STK24: variants seen among roughly 807,000 people sequenced by gnomAD.
STK24 encodes serine/threonine kinase 24, also known as serine/threonine-protein kinase 24.
A neutral mutation model predicts 55.6 loss-of-function variants in STK24; 21 were observed. The observed-to-expected ratio is 0.38, with a 90% CI of 0.27 to 0.54. The LOEUF (loss-of-function observed/expected upper bound fraction) is 0.54. Ranked by LOEUF, STK24 falls within the 20% of genes least tolerant of loss-of-function variation. The probability of loss-of-function intolerance (pLI) is 0.79; values close to 1 mark genes in which losing one functional copy is unlikely to be tolerated. For synonymous variants in STK24, 200 were observed against 215.2 expected (o/e 0.93, Z 0.62); for missense variants, 383 against 538.4 (o/e 0.71, Z 2.86).
intron 1 of STK24, among the ~76,000 whole-genome samples, chr13:98,527,781 G>C (rs75259740): frequency 0.024 from 3,673 of 152,314 alleles, 165 homozygotes; most frequent in African/African-American, 0.083. Context: ...CAGACGCAGA[G>C]CCAGCGGCCA....
Position 98,451,682 on chromosome 13 carries a change from C to G in STK24, c.*1491G>C, listed in dbSNP as rs1004286915. On this transcript the variant is annotated 3_prime_UTR_variant, in exon 11 of 11. Transcript: ENST00000539966. The stretch of plus-strand genomic sequence containing the variant: ...TGCTTCCAAAAATCCTGTCTTAACT[C>G]CACAAGAACTGGCACACCCACGGGA... The G allele has an allele frequency of 1.4e-4, 21 of 152,238 alleles. No homozygotes were observed. The highest frequency in any genetic ancestry group is 5.1e-4 in the African/African-American group (21 of 41,440). The allele number at this position is 152,238 out of a possible 1,614,324, so 9.4% of individuals were successfully genotyped here.
In STK24 at chr13:98,451,607, A is replaced by G. The variant is rs1893195638; in HGVS notation, c.*1566T>C. On this transcript the variant is annotated 3_prime_UTR_variant, in exon 11 of 11. Transcript: ENST00000539966. The stretch of plus-strand genomic sequence containing the variant: ...CCCTCCCTATAGCTTAGAGGCCACT[A>G]GACCAGCAGATAGCTGAGCTACATC... 1 of 152,218 alleles carries G rather than the reference A, an allele frequency of 6.6e-6. No individual in the cohort carries two copies. The highest frequency in any genetic ancestry group is 2.1e-4 in the South Asian group (1 of 4,824). 9.4% of individuals were successfully genotyped at this position (152,218 alleles called of 1,614,324 possible).
rs115789619 is a variant in STK24 at position 98,512,554 on chromosome 13, A to G, written c.273+6689T>C. Among the ~76,000 whole-genome samples the G allele has an allele frequency of 9.4e-3, 1,384 of 147,814 alleles. 25 individuals are homozygous for G. Among genetic ancestry groups the G allele is most frequent in the African/African-American group, 0.03 (1,201 of 40,178 alleles). Reference sequence around the variant, plus strand: ...GAAACAAAAACAAAACAAAAACCCTAAACACACACAAAGTAAGTTTTTTTT... The same window carrying G: ...GAAACAAAAACAAAACAAAAACCCTGAACACACACAAAGTAAGTTTTTTTT... On this transcript the variant is annotated intron_variant, in intron 2 of 10. Transcript: ENST00000539966.
Position 98,446,316 on chromosome 13 carries a change from C to T in STK24, c.*6857G>A, listed in dbSNP as rs540523467. On this transcript the variant is annotated 3_prime_UTR_variant, in exon 11 of 11. Coordinates refer to ENST00000539966, the MANE Select transcript of STK24 (RefSeq NM_001032296.4). ...CAGGCCTCTTGGGCTCCAGGTGTCA[C>T]GGGGATGACAGGGATGCTGGCGGGG... is the stretch of plus-strand genomic sequence containing the variant. 2.4e-5 allele frequency: 17 copies of T among 703,392 alleles called. 1 individual carries two copies. Among genetic ancestry groups the T allele is most frequent in the South Asian group, 5.3e-5 (3 of 56,486 alleles). 43.6% of individuals were successfully genotyped at this position (703,392 alleles called of 1,614,324 possible).
intron 9 of STK24, 120 bp downstream of exon 9, chr13:98,460,252 G>A (rs1893644053): frequency 1.8e-5 from 17 of 961,874 alleles, no homozygotes; most frequent in East Asian, 2.6e-5. Context: ...CAGGCTTTCC[G>A]AGCCTTTGCC....
At position 98,491,424 on chromosome 13, in the gene STK24, A is replaced by T. The variant is rs142317913; in HGVS notation, c.274-9103T>A. Among the ~76,000 whole-genome samples the T allele has an allele frequency of 2.9e-3, 447 of 152,332 alleles. 1 individual carries two copies. Among genetic ancestry groups the T allele is most frequent in the African/African-American group, 0.01 (426 of 41,580 alleles). On this transcript the variant is annotated intron_variant, in intron 2 of 10. Coordinates refer to ENST00000539966, the MANE Select transcript of STK24 (RefSeq NM_001032296.4). ...GAACGTTTTCTTGTGCTGGCAACAAACGTTCACTGGGAGAAAGGCCGCTGT... is the reference window on the plus strand; with the variant it reads ...GAACGTTTTCTTGTGCTGGCAACAATCGTTCACTGGGAGAAAGGCCGCTGT...
chr13:98,464,495 C>CTTTT (rs551373383), intron 6 of STK24, among the ~76,000 whole-genome samples: 4 of 106,804 alleles, frequency 3.7e-5, no homozygotes, highest in Non-Finnish European at 3.9e-5. Context: ...TGTTGTTTAA[C>CTTTT]TTTTTTTTTT....
In STK24 at chr13:98,489,082, C is replaced by G. The variant is rs1894920232; in HGVS notation, c.274-6761G>C. Among the ~76,000 whole-genome samples the G allele has an allele frequency of 1.3e-5, 2 of 152,198 alleles. 1 individual carries two copies. The highest frequency in any genetic ancestry group is 4.1e-4 in the South Asian group (2 of 4,830). On this transcript the variant is annotated intron_variant, in intron 2 of 10. Coordinates refer to ENST00000539966, the MANE Select transcript of STK24 (RefSeq NM_001032296.4). ...GCATGTGGCCTCAAAGCCTTAAGGC[C>G]TGGTTTGCATCCAGGCTCAGGCCAG...
intron 1 of STK24, among the ~76,000 whole-genome samples, chr13:98,534,041 G>C (rs1318609179): frequency 6.6e-6 from 1 of 152,232 alleles, no homozygotes; most frequent in Admixed American, 6.5e-5. Flanking sequence ...GTGCTAGCGG[G>C]CACCCCGCTT....
intron 6 of STK24, among the ~76,000 whole-genome samples, chr13:98,465,701 A>G (rs1466007181): frequency 6.6e-6 from 1 of 152,218 alleles, no homozygotes; most frequent in Non-Finnish European, 1.5e-5. Context: ...AGTTAAGAAA[A>G]GGGGGGCTCA....
chr13:98,445,981 A>T lies in STK24; in HGVS notation c.*7192T>A. Reference sequence around the variant, plus strand: ...ACACGGGGGAGCGGGGGTGGGGCCCACATCCTTCAGTCACGGACATGCCCC... The same window carrying T: ...ACACGGGGGAGCGGGGGTGGGGCCCTCATCCTTCAGTCACGGACATGCCCC... On this transcript the variant is annotated 3_prime_UTR_variant, in exon 11 of 11. Transcript: ENST00000539966. 1.5e-6 allele frequency: 1 copy of T among 676,162 alleles called. No individual in the cohort carries two copies. Among genetic ancestry groups the T allele is most frequent in the Non-Finnish European group, 2.6e-6 (1 of 385,940 alleles). 41.9% of individuals were successfully genotyped at this position (676,162 alleles called of 1,614,324 possible).
At chr13:98,491,022 T>C (rs1376673003) in intron 2 of STK24, among the ~76,000 whole-genome samples, 3 of 152,118 alleles carry the variant, frequency 2.0e-5, no homozygotes, top group Non-Finnish European at 4.4e-5. Context: ...CCGGGGGAGC[T>C]GTCAGGCTAG....
At chr13:98,484,401 GGCATTAAGTCT>G (rs2139308355) in intron 2 of STK24, among the ~76,000 whole-genome samples, 1 of 152,176 alleles carries the variant, frequency 6.6e-6, no homozygotes, top group South Asian at 2.1e-4. Flanking sequence ...CTATTTTCTG[GGCATTAAGTCT>G]GCTCACAGCA....
chr13:98,482,337 AAG>A lies in STK24; in HGVS notation c.274-18_274-17del, dbSNP rs1235548557. The A allele has an allele frequency of 1.4e-6, 2 of 1,480,392 alleles. No individual in the cohort carries two copies. Among genetic ancestry groups the A allele is most frequent in the African/African-American group, 3.0e-5 (2 of 66,882 alleles). 91.7% of individuals were successfully genotyped at this position (1,480,392 alleles called of 1,614,324 possible). ...ATTTTGTATCCTATAAAACAAAAAA[AAG>A]AAGAGAATCATTTTCAAAATGAATC... On this transcript the variant is annotated splice_polypyrimidine_tract_variant and intron_variant, in intron 2 of 10. Transcript: ENST00000539966.
chr13:98,542,065 C>T (rs1896902965), intron 1 of STK24, among the ~76,000 whole-genome samples: 1 of 152,228 alleles, frequency 6.6e-6, no homozygotes, highest in Non-Finnish European at 1.5e-5. Flanking sequence ...TCCACTAGGA[C>T]TTTAACCATG....
chr13:98,462,018 C>A, intron 7 of STK24, 121 bp from the exon 8 acceptor site: 1 of 1,201,928 alleles, frequency 8.3e-7, no homozygotes. Context: ...CCCAAGTCCC[C>A]ACCCATCACA....
Position 98,463,750 on chromosome 13 carries a change from C to T in STK24, c.870G>A (p.Arg290=). Reference sequence around the variant, plus strand: ...TCTGCTCGGCCTTCCATCTCTTGTACCTGTCGATGAGCTCGGTCAAGTAGG... The same window carrying T: ...TCTGCTCGGCCTTCCATCTCTTGTATCTGTCGATGAGCTCGGTCAAGTAGG... The part of the protein sequence containing the change: ...KTSYLTELID[R]YKRWKAEQSH... Residue 290 remains arginine (R), a synonymous_variant, in exon 7 of 11, where the codon AGG becomes AGA. Coordinates refer to ENST00000539966, the MANE Select transcript of STK24 (RefSeq NM_001032296.4). 2 of 1,614,214 alleles carry T rather than the reference C, an allele frequency of 1.2e-6. No individual in the cohort carries two copies. The highest frequency in any genetic ancestry group is 1.7e-6 in the Non-Finnish European group (2 of 1,180,042).
intron 1 of STK24, among the ~76,000 whole-genome samples, chr13:98,541,617 T>C (rs1364916663): frequency 6.6e-6 from 1 of 152,226 alleles, no homozygotes; most frequent in Admixed American, 6.5e-5. Context: ...GCTGCCAATG[T>C]AATAAATGTA....
intron 6 of STK24, 136 bp from the exon 7 acceptor site, chr13:98,463,972 A>C: frequency 3.3e-5 from 32 of 984,074 alleles, no homozygotes; most frequent in Non-Finnish European, 4.7e-5. Context: ...AGCGCTTCTC[A>C]CTGCAACTCA....
Sources: allele counts gnomAD v4.1 joint callset (sites outside exome capture counted in the v4.1 genomes callset), GRCh38; gene constraint gnomAD v4.1.1; transcripts MANE v1.5; gene names NCBI Gene and HGNC (gene_info 2026-07-23, HGNC 2026-07-21).